The following OCM variants were observed in gnomAD, a reference collection of about 807,000 sequenced individuals.
The protein encoded by OCM is oncomodulin-1.
Under a neutral mutation model 14.1 loss-of-function variants are expected in OCM, and 18 were observed. The ratio of observed to expected loss-of-function variants is 1.28; its 90% CI spans 0.88 to 1.89. The LOEUF (loss-of-function observed/expected upper bound fraction) is 1.89. Among genes scored for constraint, OCM ranks in the 40% most tolerant of loss-of-function variants. The probability of loss-of-function intolerance (pLI) is 0.00; values close to 1 mark genes in which losing one functional copy is unlikely to be tolerated. For missense variants in OCM, 140 were observed against 137.6 expected, an observed-to-expected ratio of 1.02 and a Z score of -0.09; for synonymous variants, 48 against 51.0, an observed-to-expected ratio of 0.94 and a Z score of 0.25.
At chr7:5,866,416 GAGA>G in the OCM span, among the ~76,000 whole-genome samples, 1 of 106,830 alleles carries the variant, frequency 9.4e-6, no homozygotes, top group African/African-American at 3.9e-5. Context: ...AAGGGGGGGA[GAGA>G]AGGAGGGAGG....
intron 1 of OCM, among the ~76,000 whole-genome samples, chr7:5,881,486 G>A (rs958076745): frequency 6.6e-6 from 1 of 151,730 alleles, no homozygotes; most frequent in Admixed American, 6.6e-5. Context: ...AAAAACTAGC[G>A]GGGCATGGTG....
At chr7:5,875,396 T>TCTA (rs1303796873), upstream of OCM, among the ~76,000 whole-genome samples, 1 of 152,056 alleles carries the variant, frequency 6.6e-6, no homozygotes, top group African/African-American at 2.4e-5. Context: ...ATAATGGAAT[T>TCTA]CAAGTTATCA....
the OCM span, among the ~76,000 whole-genome samples, chr7:5,873,941 C>T: frequency 8.6e-5 from 13 of 151,580 alleles, no homozygotes; most frequent in African/African-American, 1.9e-4. Context: ...CCAGGCTGGG[C>T]GCGGTGGCTC....
chr7:5,875,727 A>G (rs182692564), upstream of OCM, among the ~76,000 whole-genome samples: 40 of 152,266 alleles, frequency 2.6e-4, no homozygotes, highest in African/African-American at 9.4e-4. Context: ...TTTTATCTCT[A>G]TGGACAATTG....
At chr7:5,862,264 A>G in the OCM span, among the ~76,000 whole-genome samples, 4 of 152,142 alleles carry the variant, frequency 2.6e-5, no homozygotes, top group African/African-American at 7.2e-5. Context: ...GAGTCATGCA[A>G]TACTGCCTTC....
At chr7:5,884,524 C>G (rs1391049238) in intron 3 of OCM, among the ~76,000 whole-genome samples, 1 of 152,130 alleles carries the variant, frequency 6.6e-6, no homozygotes, top group African/African-American at 2.4e-5. Flanking sequence ...TTTATTGAGT[C>G]TTCCATAGGC....
chr7:5,881,089 C>A (rs13310109), intron 1 of OCM, 139 bp downstream of exon 1: 9 of 762,092 alleles, frequency 1.2e-5, no homozygotes, highest in Admixed American at 6.9e-5. Flanking sequence ...GAGGCCGAGG[C>A]GGGTGGATCA....
the OCM span, among the ~76,000 whole-genome samples, chr7:5,865,564 G>GT: frequency 3.9e-5 from 6 of 152,276 alleles, no homozygotes; most frequent in African/African-American, 1.4e-4. Flanking sequence ...CAGCCAAGGT[G>GT]TTTTTTTATT....
At chr7:5,875,249 G>A (rs1401962648), upstream of OCM, among the ~76,000 whole-genome samples, 4 of 151,698 alleles carry the variant, frequency 2.6e-5, no homozygotes, top group African/African-American at 7.3e-5. Context: ...TAGAGACAGC[G>A]TTTCGCCACG....
the OCM span, among the ~76,000 whole-genome samples, chr7:5,874,793 G>A: frequency 2.6e-5 from 4 of 151,682 alleles, no homozygotes; most frequent in Non-Finnish European, 2.9e-5. Flanking sequence ...GACGTGCACC[G>A]CCGCACCCAA....
At chr7:5,884,077 C>T (rs1781285020) in intron 3 of OCM, 78 bp downstream of exon 3, 4 of 1,541,846 alleles carry the variant, frequency 2.6e-6, no homozygotes, top group Non-Finnish European at 3.5e-6. Context: ...TGAGATCAAA[C>T]CAATGTGGCT....
At chr7:5,863,379 T>C in the OCM span, among the ~76,000 whole-genome samples, 1 of 152,066 alleles carries the variant, frequency 6.6e-6, no homozygotes, top group African/African-American at 2.4e-5. Context: ...GTTAATATTA[T>C]GTTAATGGGA....
chr7:5,880,972 G>C, intron 1 of OCM, 22 bp downstream of exon 1: 1 of 1,608,508 alleles, frequency 6.2e-7, no homozygotes, highest in Non-Finnish European at 8.5e-7. Flanking sequence ...GTGAGGCGGG[G>C]GTGGGATTTC....
chr7:5,885,897 C>A (rs1306117126), intron 3 of OCM, among the ~76,000 whole-genome samples, 167 bp from the exon 4 acceptor site: 1 of 152,228 alleles, frequency 6.6e-6, no homozygotes, highest in Non-Finnish European at 1.5e-5. Flanking sequence ...GCATGAGCCA[C>A]TGTGCCCGGC....
chr7:5,882,796 C>G (rs1306111515), intron 2 of OCM, among the ~76,000 whole-genome samples, 171 bp downstream of exon 2: 2 of 151,044 alleles, frequency 1.3e-5, no homozygotes, highest in Non-Finnish European at 2.9e-5. Flanking sequence ...TCTACCCATG[C>G]AAAGCCCTCA....
At chr7:5,863,491 A>G in the OCM span, among the ~76,000 whole-genome samples, 1 of 150,434 alleles carries the variant, frequency 6.6e-6, no homozygotes, top group African/African-American at 2.4e-5. Context: ...TCCAGTTTAG[A>G]TGGCTGAGGG....
At position 5,883,918 on chromosome 7, in the gene OCM, G is replaced by T; in HGVS notation, c.223G>T (p.Ala75Ser). Residue 75 changes from alanine to serine, a missense_variant, in exon 3 of 4, where the codon GCC becomes TCC. Coordinates refer to ENST00000242104, the MANE Select transcript of OCM (RefSeq NM_001097622.2). ...TTTCCTCCAGAAGTTTGAGAGTGGT[G>T]CCAGAGAACTGACCGAGTCAGAAAC... The part of the protein sequence containing the change: ...KFFLQKFESG[A>S]RELTESETKS... 1 of 1,612,940 alleles carries T rather than the reference G, an allele frequency of 6.2e-7. No individual in the cohort carries two copies. The highest frequency in any genetic ancestry group is 1.1e-5 in the South Asian group (1 of 90,842).
chr7:5,868,894 G>C, the OCM span, among the ~76,000 whole-genome samples: 52,787 of 151,320 alleles, frequency 0.35, 11,686 homozygotes, highest in African/African-American at 0.64. Flanking sequence ...GAAACCCTGT[G>C]TCTACTAAAA....
chr7:5,866,703 T>C, the OCM span, among the ~76,000 whole-genome samples: 1 of 152,184 alleles, frequency 6.6e-6, no homozygotes. Flanking sequence ...TTCTCTGTAG[T>C]CTTTTACTGA....
Sources: gnomAD v4.1 joint callset for allele counts (sites outside exome capture counted in the v4.1 genomes callset) on GRCh38, gnomAD v4.1.1 for gene constraint, MANE v1.5 for transcripts, NCBI Gene and HGNC (gene_info 2026-07-23, HGNC 2026-07-21) for gene names.